Variants in SEPTIN2 observed in about 807,000 individuals in gnomAD.
SEPTIN2 encodes the protein septin 2.
Under a neutral mutation model 46.5 loss-of-function variants are expected in SEPTIN2, and 34 were observed. That is an observed-to-expected ratio of 0.73 (90% CI 0.56 to 0.97). The LOEUF is 0.97. SEPTIN2 is among the 50% of genes least tolerant of loss of function. SEPTIN2 has a pLI of 0.00. For missense variants in SEPTIN2, 347 were observed against 448.4 expected, an observed-to-expected ratio of 0.77 and a Z score of 2.04; for synonymous variants, 175 against 153.4, an observed-to-expected ratio of 1.14 and a Z score of -1.04.
In SEPTIN2 at chr2:241,339,337, C is replaced by T. The variant is rs187616336; in HGVS notation, c.594+1547C>T. Among the ~76,000 whole-genome samples the T allele has an allele frequency of 5.1e-3, 755 of 148,820 alleles. 4 individuals carry two copies. The highest frequency in any genetic ancestry group is 8.6e-3 in the Non-Finnish European group (579 of 67,308). ...CAACCCAGGAGGCAGAGGTTGTTTG[C>T]AGTCCAGCCTGGGTGACAGAGCAAG... On this transcript the variant is annotated intron_variant, in intron 7 of 12. Transcript: ENST00000391971.
intron 3 of SEPTIN2, among the ~76,000 whole-genome samples, chr2:241,331,350 GAT>G (rs1273325240): frequency 1.3e-5 from 2 of 152,148 alleles, no homozygotes; most frequent in African/African-American, 2.4e-5. Context: ...AAGTTGTTAA[GAT>G]CTGCCCCATT....
chr2:241,331,532 A>G (rs2079007971), intron 3 of SEPTIN2, among the ~76,000 whole-genome samples: 1 of 152,218 alleles, frequency 6.6e-6, no homozygotes, highest in Non-Finnish European at 1.5e-5. Flanking sequence ...CTGGGACTAC[A>G]GGCATGCGCC....
rs138704236 is a variant in SEPTIN2, at chr2:241,350,160, G to A, written c.1072G>A (p.Gly358Arg). 5.9e-4 allele frequency: 955 copies of A among 1,613,068 alleles called. 3 individuals are homozygous for A. Among genetic ancestry groups the A allele is most frequent in the South Asian group, 1.6e-3 (141 of 90,906 alleles). Residue 358 changes from glycine to arginine, a missense_variant, in exon 12 of 13, where the codon GGG (glycine) becomes AGG (arginine). Physicochemically the swap from Gly to Arg is moderately radical, Grantham distance 125. Coordinates refer to ENST00000391971, the MANE Select transcript of SEPTIN2 (RefSeq NM_004404.5). ...CGGGGATGGCGATGGCGGGGCTCTC[G>A]GGCACCACGTGTAAGGTGATGTGCA... ...QGGDGDGGAL[G>R]HHV
In SEPTIN2 at chr2:241,343,889, C is replaced by T. The variant is rs896819348; in HGVS notation, c.834C>T (p.Thr278=). ...ACAATGACTTTCTGAAGCTGAGAAC[C>T]ATGCTCATGTAAGACATTTGGTGTG... ...PEHNDFLKLR[T]MLITHMQDLQ... Residue 278 remains threonine, a synonymous_variant, in exon 9 of 13, where the codon ACC becomes ACT. Coordinates refer to ENST00000391971, the MANE Select transcript of SEPTIN2 (RefSeq NM_004404.5). 1.5e-5 allele frequency: 24 copies of T among 1,614,024 alleles called. No individual in the cohort carries two copies. Among genetic ancestry groups the T allele is most frequent in the Non-Finnish European group, 2.0e-5 (24 of 1,180,008 alleles).
At chr2:241,342,234 GT>G (rs968771128) in intron 7 of SEPTIN2, among the ~76,000 whole-genome samples, 7 of 150,512 alleles carry the variant, frequency 4.7e-5, no homozygotes, top group Non-Finnish European at 8.9e-5. Flanking sequence ...ACGAGGTTTT[GT>G]TTTTTTTTCT....
At chr2:241,339,758 G>A (rs2150110121) in intron 7 of SEPTIN2, among the ~76,000 whole-genome samples, 1 of 152,180 alleles carries the variant, frequency 6.6e-6, no homozygotes, top group African/African-American at 2.4e-5. Context: ...AGATACCTGT[G>A]TGGGGAACTC....
At chr2:241,343,724 C>A in intron 8 of SEPTIN2, 28 bp from the exon 9 acceptor site, 1 of 1,613,188 alleles carries the variant, frequency 6.2e-7, no homozygotes, top group Non-Finnish European at 8.5e-7. Flanking sequence ...CTGTGTGGAG[C>A]CTGTCTACTC....
Position 241,334,027 on chromosome 2 carries a change from G to T in SEPTIN2, c.131-1099G>T, listed in dbSNP as rs978828652. Among the ~76,000 whole-genome samples the T allele has an allele frequency of 1.9e-4, 29 of 151,880 alleles. 1 individual carries two copies. Among genetic ancestry groups the T allele is most frequent in the South Asian group, 4.2e-4 (2 of 4,808 alleles). ...CACAACACCTGGCTAAGGTTTTGGGGTTTTTTTTACTTTGTTTTGGTTTTT... is the reference window on the plus strand; with the variant it reads ...CACAACACCTGGCTAAGGTTTTGGGTTTTTTTTTACTTTGTTTTGGTTTTT... On this transcript the variant is annotated intron_variant, in intron 3 of 12. Transcript: ENST00000391971.
intron 3 of SEPTIN2, among the ~76,000 whole-genome samples, chr2:241,332,663 G>A (rs968212533): frequency 6.6e-6 from 1 of 152,218 alleles, no homozygotes; most frequent in Non-Finnish European, 1.5e-5. Context: ...TGTCCATAAA[G>A]ATTTGTATAT....
chr2:241,326,342 G>C (rs1323397192), intron 3 of SEPTIN2, among the ~76,000 whole-genome samples: 1 of 152,184 alleles, frequency 6.6e-6, no homozygotes, highest in Non-Finnish European at 1.5e-5. Flanking sequence ...CATTGTGTCA[G>C]CTAGGCTCCA....
At chr2:241,324,181 C>A (rs763383927) in intron 1 of SEPTIN2, 35 bp from the exon 2 acceptor site, 1 of 1,601,150 alleles carries the variant, frequency 6.2e-7, no homozygotes, top group Admixed American at 1.7e-5. Context: ...TATGTATGTG[C>A]GTTTATGTGT....
In SEPTIN2 at chr2:241,326,000, C is replaced by T; in HGVS notation, c.17C>T (p.Pro6Leu). Residue 6 changes from proline to leucine, a missense_variant, in exon 3 of 13, where the codon CCA (proline) becomes CTA (leucine). Transcript: ENST00000391971. ...TTTTTTAATCTTATTTAGCAACAGCCAACTCAGTTTATAAATCCAGAAACA... is the reference window on the plus strand; with the variant it reads ...TTTTTTAATCTTATTTAGCAACAGCTAACTCAGTTTATAAATCCAGAAACA... MSKQQPTQFINPETPG... is the reference protein window; with the variant it reads MSKQQLTQFINPETPG... 6.2e-7 allele frequency: 1 copy of T among 1,611,968 alleles called. No individual in the cohort carries two copies.
At chr2:241,351,469 T>C (rs2060787389) in intron 12 of SEPTIN2, 1 of 152,228 alleles carries the variant, frequency 6.6e-6, no homozygotes. Flanking sequence ...ATGTGCTTAG[T>C]TCACACTTTA....
In SEPTIN2 at chr2:241,343,839, G is replaced by A; in HGVS notation, c.784G>A (p.Val262Ile). Residue 262 changes from valine to isoleucine, a missense_variant, in exon 9 of 13, where the codon GTT becomes ATT. Transcript: ENST00000391971. ...CAGAGGCCGCCTCTACCCCTGGGGT[G>A]TTGTGGAAGTGGAGAACCCAGAGCA... ...KVRGRLYPWG[V>I]VEVENPEHND... 1 of 1,614,222 alleles carries A rather than the reference G, an allele frequency of 6.2e-7. No individual in the cohort carries two copies. Among genetic ancestry groups the A allele is most frequent in the Non-Finnish European group, 8.5e-7 (1 of 1,180,024 alleles).
chr2:241,316,392 T>G, intron 1 of SEPTIN2: 1 of 1,021,944 alleles, frequency 9.8e-7, no homozygotes, highest in Non-Finnish European at 1.4e-6. Context: ...GGCCATCTTG[T>G]CTTTCTAACG....
chr2:241,327,152 A>G (rs1193785774), intron 3 of SEPTIN2, among the ~76,000 whole-genome samples: 1 of 152,080 alleles, frequency 6.6e-6, no homozygotes, highest in Non-Finnish European at 1.5e-5. Flanking sequence ...AAGAAACAAA[A>G]ACTGTACATA....
At position 241,350,159 on chromosome 2, in the gene SEPTIN2, C is replaced by T. The variant is rs572554856; in HGVS notation, c.1071C>T (p.Leu357=). The change falls in exon 12 of 13, where the codon CTC becomes CTT. Residue 357 remains leucine, a synonymous_variant. Transcript: ENST00000391971. ...GCGGGGATGGCGATGGCGGGGCTCT[C>T]GGGCACCACGTGTAAGGTGATGTGC... ...MQGGDGDGGA[L]GHHV 1.5e-5 allele frequency: 24 copies of T among 1,613,040 alleles called. No individual in the cohort carries two copies. Among genetic ancestry groups the T allele is most frequent in the South Asian group, 1.4e-4 (13 of 90,924 alleles).
In SEPTIN2 at chr2:241,324,039, T is replaced by C. The variant is rs79813253; in HGVS notation, c.-17-177T>C. On this transcript the variant is annotated intron_variant, in intron 1 of 12. Transcript: ENST00000391971. ...TGTTACACGAGCCAGCTGTCAGTGC[T>C]TAACTTTTCCCTTTGGCCTAATGCA... 4.1e-3 allele frequency: 2,391 copies of C among 582,496 alleles called. 38 individuals carry two copies. In the African/African-American group the frequency reaches 0.042, roughly 10 times the overall value. 36.1% of individuals were successfully genotyped at this position (582,496 alleles called of 1,614,324 possible).
chr2:241,320,229 G>T, intron 1 of SEPTIN2: 1 of 471,094 alleles, frequency 2.1e-6, no homozygotes, highest in Non-Finnish European at 4.4e-6. Flanking sequence ...AATGACTTTG[G>T]TCTTGTCCAA....
Sources: gnomAD v4.1 joint callset for allele counts (sites outside exome capture counted in the v4.1 genomes callset) on GRCh38, gnomAD v4.1.1 for gene constraint, MANE v1.5 for transcripts, NCBI Gene and HGNC (gene_info 2026-07-23, HGNC 2026-07-21) for gene names.